USP12: variants seen among roughly 807,000 people sequenced by gnomAD.
USP12 encodes the protein ubiquitin carboxyl-terminal hydrolase 12.
In USP12, 19 loss-of-function variants were observed where a neutral mutation model predicts 45.5. The observed-to-expected ratio is 0.42, with a 90% CI of 0.29 to 0.61. The LOEUF is 0.61. Among genes scored for constraint, USP12 ranks in the 20% least tolerant of loss-of-function variants. The probability of loss-of-function intolerance (pLI) is 0.22; values close to 1 mark genes in which losing one functional copy is unlikely to be tolerated. For synonymous variants in USP12, 149 were observed against 148.8 expected (o/e 1.00, Z -0.01); for missense variants, 242 against 447.7 (o/e 0.54, Z 4.15).
Position 27,129,080 on chromosome 13 carries a change from G to A in USP12, c.49-12484C>T, listed in dbSNP as rs1266617073. On this transcript the variant is annotated intron_variant, in intron 1 of 8. Coordinates refer to ENST00000282344, the MANE Select transcript of USP12 (RefSeq NM_182488.4). The surrounding 1 kb of genome is among the most constrained non-coding windows in gnomAD (Gnocchi z 4.0). ...ACTTACATAGTTTTATCAAATACTC[G>A]GAATATTCCATACACTTCAAATAAA... Among the ~76,000 whole-genome samples, 2 of 151,916 alleles carry A rather than the reference G, an allele frequency of 1.3e-5. No individual in the cohort carries two copies. Among genetic ancestry groups the A allele is most frequent in the East Asian group, 1.9e-4 (1 of 5,188 alleles).
chr13:27,154,628 A>C (rs1461313022), intron 1 of USP12, among the ~76,000 whole-genome samples: 9 of 152,184 alleles, frequency 5.9e-5, no homozygotes, highest in African/African-American at 2.2e-4. Flanking sequence ...TTCACCTCTA[A>C]TACATTTTTT....
At chr13:27,145,045 C>T (rs564054293) in intron 1 of USP12, among the ~76,000 whole-genome samples, 1 of 152,180 alleles carries the variant, frequency 6.6e-6, no homozygotes, top group African/African-American at 2.4e-5. Flanking sequence ...CCAGCCTGGG[C>T]TGGACCCTGC....
chr13:27,171,777 G>A lies in USP12; in HGVS notation c.-138C>T. 2.9e-6 allele frequency: 1 copy of A among 339,050 alleles called. No homozygotes were observed. The highest frequency in any genetic ancestry group is 4.2e-6 in the Non-Finnish European group (1 of 235,498). 21.0% of individuals were successfully genotyped at this position (339,050 alleles called of 1,614,324 possible). ...ACCCAACCACCGAGCCCGCTGGGCC[G>A]CCGCTGCCGTCGTCGCCGCCGGCGC... On this transcript the variant is annotated 5_prime_UTR_variant, in exon 1 of 9. Transcript: ENST00000282344.
chr13:27,092,195 AC>A (rs200992971), intron 4 of USP12, among the ~76,000 whole-genome samples: 1,576 of 152,310 alleles, frequency 0.01, 21 homozygotes, highest in African/African-American at 0.035. Context: ...GAACTACCAA[AC>A]TCCAATGAAA....
chr13:27,125,879 G>A (rs1010390863), intron 1 of USP12, among the ~76,000 whole-genome samples: 1 of 152,226 alleles, frequency 6.6e-6, no homozygotes, highest in East Asian at 1.9e-4. Flanking sequence ...AGATTGACCT[G>A]GGACGCTGGA....
chr13:27,096,579 T>G (rs1487817212), intron 3 of USP12, among the ~76,000 whole-genome samples: 1 of 152,166 alleles, frequency 6.6e-6, no homozygotes, highest in African/African-American at 2.4e-5. Context: ...TCTCATTTGA[T>G]CCCCAACAAC....
Position 27,095,695 on chromosome 13 carries a change from T to C in USP12, c.479A>G (p.Asn160Ser), listed in dbSNP as rs1276135742. The change falls in exon 4 of 9, where the codon AAT becomes AGT. Residue 160 changes from asparagine to serine, a missense_variant. Transcript: ENST00000282344. ...GTCTGGTGTGCTGTTATTATTTTCA[T>C]TATCAATATTACCATTAGGTAAACG... ...NGRLPNGNID[N>S]ENNNSTPDPT... 1 of 1,613,316 alleles carries C rather than the reference T, an allele frequency of 6.2e-7. No homozygotes were observed. The highest frequency in any genetic ancestry group is 1.7e-5 in the Admixed American group (1 of 59,976).
chr13:27,121,631 G>T (rs1875993549), intron 1 of USP12, among the ~76,000 whole-genome samples: 1 of 152,090 alleles, frequency 6.6e-6, no homozygotes, highest in Non-Finnish European at 1.5e-5. Flanking sequence ...GGAGGCCGAG[G>T]CAGGTGGATC....
rs1327736643 is a variant in USP12 at position 27,099,051 on chromosome 13, T to C, written c.344-3221A>G. On this transcript the variant is annotated intron_variant, in intron 3 of 8. Coordinates refer to ENST00000282344, the MANE Select transcript of USP12 (RefSeq NM_182488.4). ...GAGTTCAAGACCAGCCTGACCAACA[T>C]GGTGAAACCCCATCTCCACTAAAAA... Among the ~76,000 whole-genome samples, 7 of 152,282 alleles carry C rather than the reference T, an allele frequency of 4.6e-5. 1 individual carries two copies. In the South Asian group the frequency reaches 1.5e-3, roughly 32 times the overall value.
chr13:27,121,268 A>G (rs1292632313), intron 1 of USP12, among the ~76,000 whole-genome samples: 1 of 152,050 alleles, frequency 6.6e-6, no homozygotes, highest in African/African-American at 2.4e-5. Flanking sequence ...GGCCCTCGTA[A>G]AAGTCTGTGA....
At chr13:27,089,741 A>G (rs1275011118) in intron 6 of USP12, 142 bp downstream of exon 6, 3 of 734,372 alleles carry the variant, frequency 4.1e-6, no homozygotes, top group Non-Finnish European at 6.7e-6. Context: ...ACCTAGTAAT[A>G]CTTAATGAAC....
At chr13:27,080,884 T>C (rs1873724432) in intron 6 of USP12, among the ~76,000 whole-genome samples, 1 of 152,210 alleles carries the variant, frequency 6.6e-6, no homozygotes, top group Non-Finnish European at 1.5e-5. Context: ...GTTTATTGCT[T>C]AAAAAATGAT....
intron 7 of USP12, among the ~76,000 whole-genome samples, chr13:27,072,921 T>C (rs1044064291): frequency 1.1e-4 from 16 of 152,174 alleles, no homozygotes; most frequent in African/African-American, 3.4e-4. Flanking sequence ...ATAAATAAAA[T>C]ACACAATGGA....
chr13:27,133,483 C>G (rs1400838662), intron 1 of USP12, among the ~76,000 whole-genome samples: 1 of 152,084 alleles, frequency 6.6e-6, no homozygotes, highest in Non-Finnish European at 1.5e-5. Context: ...CAAAAATTAG[C>G]CGGGTGTGGT....
At chr13:27,087,096 G>A (rs1335098334) in intron 6 of USP12, among the ~76,000 whole-genome samples, 1 of 147,078 alleles carries the variant, frequency 6.8e-6, no homozygotes, top group Non-Finnish European at 1.5e-5. Context: ...AGAGGGGAAG[G>A]GGCTGTGTGT....
intron 1 of USP12, among the ~76,000 whole-genome samples, chr13:27,153,923 T>C (rs1437913887): frequency 6.6e-6 from 1 of 152,210 alleles, no homozygotes; most frequent in African/African-American, 2.4e-5. Context: ...TTCTCGTAAG[T>C]TTACTGAGGT....
intron 1 of USP12, among the ~76,000 whole-genome samples, chr13:27,161,096 G>A (rs916497604): frequency 6.6e-6 from 1 of 152,000 alleles, no homozygotes; most frequent in African/African-American, 2.4e-5. Flanking sequence ...ACCTCCTAAC[G>A]CAAACTTCAA....
At position 27,090,072 on chromosome 13, in the gene USP12, C is replaced by T. The variant is rs1874243456; in HGVS notation, c.650+10G>A. 24 of 1,582,382 alleles carry T rather than the reference C, an allele frequency of 1.5e-5. No homozygotes were observed. Among genetic ancestry groups the T allele is most frequent in the Non-Finnish European group, 2.1e-5 (24 of 1,159,418 alleles). On this transcript the variant is annotated intron_variant, in intron 5 of 8. Transcript: ENST00000282344. Reference sequence around the variant, plus strand: ...TTATTAAATTTCAAACTAAATAATTCTACATATACCTTAAGCAGTGAGTAA... The same window carrying T: ...TTATTAAATTTCAAACTAAATAATTTTACATATACCTTAAGCAGTGAGTAA...
chr13:27,156,142 C>A (rs1416078942), intron 1 of USP12, among the ~76,000 whole-genome samples: 1 of 151,088 alleles, frequency 6.6e-6, no homozygotes, highest in East Asian at 1.9e-4. Context: ...TATAAAGAGA[C>A]ACGACATTCC....
Sources: gnomAD v4.1 joint callset for allele counts (sites outside exome capture counted in the v4.1 genomes callset) on GRCh38, gnomAD v4.1.1 for gene constraint, Gnocchi (gnomAD v3.1) non-coding constraint, MANE v1.5 for transcripts, NCBI Gene and HGNC (gene_info 2026-07-23, HGNC 2026-07-21) for gene names.